Variants in LRRC71 observed in about 807,000 individuals in gnomAD.
The protein encoded by LRRC71 is leucine rich repeat containing 71, also known as leucine-rich repeat-containing protein 71.
Under a neutral mutation model 66.6 loss-of-function variants are expected in LRRC71, and 54 were observed. That is an observed-to-expected ratio of 0.81 (90% confidence interval 0.65 to 1.02). The LOEUF is 1.02. Among genes scored for constraint, LRRC71 ranks in the 50% least tolerant of loss-of-function variants. LRRC71 has a pLI of 0.00. For synonymous variants in LRRC71, 323 were observed against 303.9 expected (o/e 1.06, Z -0.65); for missense variants, 724 against 718.0 (o/e 1.01, Z -0.10).
rs1450295921 is a variant in LRRC71 at position 156,920,652 on chromosome 1, G to C, written c.-152G>C. 3 of 991,290 alleles carry C rather than the reference G, an allele frequency of 3.0e-6. No homozygotes were observed. Among genetic ancestry groups the C allele is most frequent in the Non-Finnish European group, 4.0e-6 (3 of 748,228 alleles). 61.4% of individuals were successfully genotyped at this position (991,290 alleles called of 1,614,324 possible). A position where few individuals can be genotyped will look rare whatever the true frequency, so the allele number is the denominator to read the frequency against. On this transcript the variant is annotated 5_prime_UTR_variant, in exon 1 of 15. Coordinates refer to ENST00000337428, the MANE Select transcript of LRRC71 (RefSeq NM_144702.3). This position sits in a 1 kb window ranked among gnomAD's most constrained non-coding sequence, Gnocchi z 4.9. ...GCGCGGTTGTCTTGGAGAGGGACGC[G>C]TAGGCTACGCCACCGCGGACGGGTC...
chr1:156,924,982 T>G lies in LRRC71; in HGVS notation c.560T>G (p.Ile187Ser). Residue 187 changes from isoleucine (I) to serine (S), a missense_variant, in exon 5 of 15, where the codon ATC becomes AGC. Transcript: ENST00000337428. ...ACCGATAAGACCCTGACCACCTTCA[T>G]CGAGCTCCTGCCTCTCTGTTCATCC... Reference protein sequence around the residue: ...GLTDKTLTTFIELLPLCSSTL... With the variant: ...GLTDKTLTTFSELLPLCSSTL... The G allele has an allele frequency of 6.4e-7, 1 of 1,551,654 alleles. No homozygotes were observed. Among genetic ancestry groups the G allele is most frequent in the Non-Finnish European group, 8.7e-7 (1 of 1,146,976 alleles).
chr1:156,931,876 T>TC, intron 12 of LRRC71, 40 bp from the exon 13 acceptor site: 3 of 1,465,000 alleles, frequency 2.0e-6, no homozygotes, highest in South Asian at 2.4e-5. Flanking sequence ...GTTGACCAGC[T>TC]CCCCTGCTGT....
At chr1:156,937,929 A>G (rs1655852104), downstream of LRRC71, among the ~76,000 whole-genome samples, 1 of 152,084 alleles carries the variant, frequency 6.6e-6, no homozygotes, top group Admixed American at 6.5e-5. Flanking sequence ...CCATGCCACG[A>G]TCCTCTGGAG....
In LRRC71 at chr1:156,929,682, C is replaced by T. The variant is rs768907833; in HGVS notation, c.1193C>T (p.Thr398Ile). Residue 398 changes from threonine to isoleucine, a missense_variant, in exon 11 of 15, where the codon ACA becomes ATA. Physicochemically the swap from Thr to Ile is moderately conservative, Grantham distance 89. Transcript: ENST00000337428. ...AAGTTGGGGTCTGGGCAGTCACCCA[C>T]ACAAGGAACCCCTAAGAAGGAAGAT... Reference protein sequence around the residue: ...EEKLGSGQSPTQGTPKKEDAT... With the variant: ...EEKLGSGQSPIQGTPKKEDAT... 6.3e-7 allele frequency: 1 copy of T among 1,584,522 alleles called. No homozygotes were observed. The highest frequency in any genetic ancestry group is 1.2e-5 in the South Asian group (1 of 86,418).
At position 156,927,496 on chromosome 1, in the gene LRRC71, G is replaced by C. The variant is rs747813173; in HGVS notation, c.663G>C (p.Thr221=). The change falls in exon 7 of 15, where the codon ACG becomes ACC. Residue 221 remains threonine, a splice_region_variant and synonymous_variant. Coordinates refer to ENST00000337428, the MANE Select transcript of LRRC71 (RefSeq NM_144702.3). The part of the protein sequence containing the change: ...SYHKLMALDS[T]IAHLSLRNNN... ...CACATTCTCCCTCCGGCTGCCCCAG[G>C]ATTGCGCACTTGTCTCTGCGGAACA... The C allele has an allele frequency of 4.5e-5, 68 of 1,526,532 alleles. No individual in the cohort carries two copies. The South Asian group carries it at 7.1e-4, about 16-fold the overall frequency. 94.6% of individuals were successfully genotyped at this position (1,526,532 alleles called of 1,614,324 possible). A position where few individuals can be genotyped will look rare whatever the true frequency, so the allele number is the denominator to read the frequency against.
downstream of LRRC71, chr1:156,937,040 C>G (rs1178198595): frequency 6.2e-7 from 1 of 1,601,966 alleles, no homozygotes; most frequent in Non-Finnish European, 8.5e-7. Flanking sequence ...CTGCTCGAGT[C>G]CTTCTATTCC....
chr1:156,929,865 C>T, intron 11 of LRRC71, 136 bp downstream of exon 11: 1 of 703,178 alleles, frequency 1.4e-6, no homozygotes, highest in Non-Finnish European at 2.4e-6. Flanking sequence ...GGCTTGATTT[C>T]CTTCTCACAG....
intron 11 of LRRC71, among the ~76,000 whole-genome samples, chr1:156,930,051 TTTC>T (rs1165676009): frequency 7.7e-6 from 1 of 129,948 alleles, no homozygotes; most frequent in Non-Finnish European, 1.6e-5. Flanking sequence ...TTTCTCTTTC[TTTC>T]TTTCTTTTTC....
At chr1:156,921,671 A>T (rs1449148862) in intron 1 of LRRC71, 13 of 985,032 alleles carry the variant, frequency 1.3e-5, no homozygotes, top group Non-Finnish European at 1.6e-5. Context: ...AAGACAAGAC[A>T]GTATACAATC....
intron 2 of LRRC71, 141 bp downstream of exon 2, chr1:156,924,239 G>A: frequency 8.1e-7 from 1 of 1,239,312 alleles, no homozygotes; most frequent in Non-Finnish European, 1.1e-6. Flanking sequence ...CCGGTGGGGA[G>A]GTGGGGGAGT....
the LRRC71 span, chr1:156,939,165 G>C: frequency 1.1e-5 from 3 of 277,222 alleles, no homozygotes; most frequent in Middle Eastern, 1.3e-3. Context: ...TGTCTTTCCC[G>C]GCCTGAGGCT....
At chr1:156,928,466 T>C (rs148020288) in intron 9 of LRRC71, among the ~76,000 whole-genome samples, 2 of 138,024 alleles carry the variant, frequency 1.4e-5, no homozygotes, top group East Asian at 2.2e-4. Flanking sequence ...TTCTCCTTCT[T>C]CTCTTCTTCC....
At chr1:156,940,314 G>A in the LRRC71 span, 6 of 1,613,800 alleles carry the variant, frequency 3.7e-6, no homozygotes, top group African/African-American at 4.0e-5. Context: ...ATCCAGGGAT[G>A]TGGAAGGGCA....
At chr1:156,928,205 C>T (rs1011882383) in intron 9 of LRRC71, among the ~76,000 whole-genome samples, 1 of 152,210 alleles carries the variant, frequency 6.6e-6, no homozygotes, top group African/African-American at 2.4e-5. Context: ...ACACTATGGG[C>T]AGTAGAGTGT....
intron 5 of LRRC71, among the ~76,000 whole-genome samples, chr1:156,925,544 G>A (rs763376937): frequency 9.2e-5 from 14 of 152,228 alleles, no homozygotes; most frequent in Non-Finnish European, 1.5e-4. Flanking sequence ...GCCTGGAGGA[G>A]GTGGTACTGA....
In LRRC71 at chr1:156,929,731, T is replaced by C. The variant is rs1389908072; in HGVS notation, c.1240+2T>C. On this transcript the variant is annotated splice_donor_variant, in intron 11 of 14. Transcript: ENST00000337428. LOFTEE classifies it high-confidence loss of function. ...ATGCCACAAAGGCAGGCAAGGGGAGTAAGTGCGGGTGCCCCTGGGTGGCAT... is the reference window on the plus strand; with the variant it reads ...ATGCCACAAAGGCAGGCAAGGGGAGCAAGTGCGGGTGCCCCTGGGTGGCAT... 13 of 1,557,530 alleles carry C rather than the reference T, an allele frequency of 8.3e-6. No individual in the cohort carries two copies. The highest frequency in any genetic ancestry group is 1.4e-5 in the African/African-American group (1 of 73,032).
intron 9 of LRRC71, among the ~76,000 whole-genome samples, chr1:156,928,351 CTCTTCTTCTTCCTCT>C (rs1220244580): frequency 8.2e-4 from 59 of 71,968 alleles, no homozygotes; most frequent in Non-Finnish European, 1.4e-3. Context: ...TTCTTTCTTT[CTCTTCTTCTTCCTCT>C]TCTTCTTCTT....
chr1:156,928,791 G>A (rs1453269339), intron 9 of LRRC71, among the ~76,000 whole-genome samples: 1 of 151,688 alleles, frequency 6.6e-6, no homozygotes, highest in Non-Finnish European at 1.5e-5. Flanking sequence ...GGCTGGTCTC[G>A]AACTCCTGGT....
Position 156,931,898 on chromosome 1 carries a change from A to G in LRRC71, c.1330-18A>G. 6.4e-7 allele frequency: 1 copy of G among 1,551,940 alleles called. No individual in the cohort carries two copies. The highest frequency in any genetic ancestry group is 8.8e-7 in the Non-Finnish European group (1 of 1,142,356). ...AGCTCCCCTGCTGTCTGCTGCAATT[A>G]GTATTCTGCTTTAGCAGCTGGTTGT... On this transcript the variant is annotated intron_variant, in intron 12 of 14. Coordinates refer to ENST00000337428, the MANE Select transcript of LRRC71 (RefSeq NM_144702.3).
Sources: allele counts gnomAD v4.1 joint callset (sites outside exome capture counted in the v4.1 genomes callset), GRCh38; gene constraint gnomAD v4.1.1; non-coding constraint Gnocchi (gnomAD v3.1); transcripts MANE v1.5; gene names NCBI Gene and HGNC (gene_info 2026-07-23, HGNC 2026-07-21).